The following NXPH2 variants were observed in gnomAD, a reference collection of about 807,000 sequenced individuals.
NXPH2 encodes the protein neurexophilin 2, also known as neurexophilin-2.
NXPH2 carries 5 observed loss-of-function variants against 19.8 expected under a neutral mutation model. The observed-to-expected ratio is 0.25, with a 90% confidence interval of 0.13 to 0.53. The LOEUF is 0.53. Among genes scored for constraint, NXPH2 ranks in the 20% least tolerant of loss-of-function variants. The pLI is 0.96. For synonymous variants in NXPH2, 154 were observed against 127.4 expected (o/e 1.21, Z -1.41); for missense variants, 289 against 322.8 (o/e 0.90, Z 0.80).
intron 1 of NXPH2, among the ~76,000 whole-genome samples, chr2:138,691,395 A>C (rs1463997069): frequency 2.6e-5 from 4 of 152,184 alleles, no homozygotes; most frequent in African/African-American, 9.7e-5. Context: ...TGACCACTAC[A>C]TCTTCTATCA....
rs1310501060 is a variant in NXPH2, at chr2:138,780,104, G to A, written c.51+87C>T. 3.0e-6 allele frequency: 4 copies of A among 1,350,192 alleles called. No individual in the cohort carries two copies. In the African/African-American group the frequency reaches 6.2e-5, roughly 21 times the overall value. 83.6% of individuals were successfully genotyped at this position (1,350,192 alleles called of 1,614,324 possible). On this transcript the variant is annotated intron_variant, in intron 1 of 1. Transcript: ENST00000272641. ...CAACCCCACTTCCCAAGCAGGCCCA[G>A]GCTGGGCTCCAAGTCAGCCGCCTGC... is the stretch of plus-strand genomic sequence containing the variant.
intron 1 of NXPH2, among the ~76,000 whole-genome samples, chr2:138,716,896 AT>A (rs561799244): frequency 8.5e-4 from 129 of 152,316 alleles, no homozygotes; most frequent in African/African-American, 2.9e-3. Context: ...ATTGGTTGGT[AT>A]TTACCAAAAT....
chr2:138,735,529 C>G (rs1241379203), intron 1 of NXPH2, among the ~76,000 whole-genome samples: 1 of 152,174 alleles, frequency 6.6e-6, no homozygotes, highest in African/African-American at 2.4e-5. Flanking sequence ...ATTCAATTAT[C>G]TCCCATTGGG....
intron 1 of NXPH2, among the ~76,000 whole-genome samples, chr2:138,724,736 T>C (rs1200790616): frequency 2.0e-5 from 3 of 152,232 alleles, no homozygotes; most frequent in African/African-American, 7.2e-5. Flanking sequence ...TGTGTGTGTT[T>C]TTTTGTCCAA....
At chr2:138,688,508 C>T (rs1483108555) in intron 1 of NXPH2, among the ~76,000 whole-genome samples, 1 of 152,090 alleles carries the variant, frequency 6.6e-6, no homozygotes, top group African/African-American at 2.4e-5. Context: ...AAGTCTTTAC[C>T]TAGCTCCCTG....
intron 1 of NXPH2, among the ~76,000 whole-genome samples, chr2:138,676,637 A>G (rs943569448): frequency 6.6e-6 from 1 of 152,166 alleles, no homozygotes; most frequent in African/African-American, 2.4e-5. Context: ...GTTTGGCTGT[A>G]AGGACTAAAA....
chr2:138,717,936 AAT>A (rs1681216909), intron 1 of NXPH2, among the ~76,000 whole-genome samples: 1 of 152,146 alleles, frequency 6.6e-6, no homozygotes, highest in African/African-American at 2.4e-5. Context: ...CAAACATTAT[AAT>A]AGAGTTGAAA....
chr2:138,690,476 G>C (rs1481428489), intron 1 of NXPH2, among the ~76,000 whole-genome samples: 2 of 151,510 alleles, frequency 1.3e-5, no homozygotes, highest in Non-Finnish European at 2.9e-5. Flanking sequence ...TCATTAAATG[G>C]TTAAGAAGGT....
At chr2:138,766,140 GCA>G (rs1288212445) in intron 1 of NXPH2, among the ~76,000 whole-genome samples, 1 of 152,170 alleles carries the variant, frequency 6.6e-6, no homozygotes, top group Non-Finnish European at 1.5e-5. Context: ...TGTGCACTGG[GCA>G]CAGTGCCTGA....
At chr2:138,739,806 GA>G (rs1401640662) in intron 1 of NXPH2, among the ~76,000 whole-genome samples, 1 of 151,950 alleles carries the variant, frequency 6.6e-6, no homozygotes, top group Non-Finnish European at 1.5e-5. Context: ...TTTATTTCAT[GA>G]AACAAAAAAT....
At chr2:138,731,289 A>C (rs1217555155) in intron 1 of NXPH2, among the ~76,000 whole-genome samples, 2 of 152,278 alleles carry the variant, frequency 1.3e-5, no homozygotes, top group East Asian at 1.9e-4. Context: ...TCTTGTTAGA[A>C]AAAAATCACT....
chr2:138,758,646 T>G (rs1361120838), intron 1 of NXPH2, among the ~76,000 whole-genome samples: 1 of 152,252 alleles, frequency 6.6e-6, no homozygotes, highest in Non-Finnish European at 1.5e-5. Flanking sequence ...TCAAGTTATA[T>G]GCTTGCATTT....
At chr2:138,732,015 G>T (rs928813174) in intron 1 of NXPH2, among the ~76,000 whole-genome samples, 1 of 152,210 alleles carries the variant, frequency 6.6e-6, no homozygotes, top group Non-Finnish European at 1.5e-5. Flanking sequence ...GTGGGCAGGT[G>T]TGTATGGATA....
At chr2:138,690,808 G>A (rs573861786) in intron 1 of NXPH2, among the ~76,000 whole-genome samples, 1 of 152,226 alleles carries the variant, frequency 6.6e-6, no homozygotes. Context: ...GTAGTGTCTA[G>A]AGGAGACCAA....
At chr2:138,709,514 A>G (rs1234722695) in intron 1 of NXPH2, among the ~76,000 whole-genome samples, 1 of 151,284 alleles carries the variant, frequency 6.6e-6, no homozygotes, top group Non-Finnish European at 1.5e-5. Flanking sequence ...GTTACAATCA[A>G]TCCTACATTG....
chr2:138,707,906 A>C (rs1489808406), intron 1 of NXPH2, among the ~76,000 whole-genome samples: 1 of 152,138 alleles, frequency 6.6e-6, no homozygotes, highest in Non-Finnish European at 1.5e-5. Context: ...TTAATAAGTA[A>C]GACTTGTGTC....
At chr2:138,717,817 A>G (rs1681215494) in intron 1 of NXPH2, among the ~76,000 whole-genome samples, 2 of 152,182 alleles carry the variant, frequency 1.3e-5, no homozygotes, top group East Asian at 3.9e-4. Context: ...AAAAATTCTA[A>G]ATATTATCCT....
rs555796013 is a variant in NXPH2 at position 138,743,592 on chromosome 2, G to C, written c.51+36599C>G. 4.6e-5 allele frequency among the ~76,000 whole-genome samples: 7 copies of C among 152,296 alleles called. No individual in the cohort carries two copies. The South Asian group carries it at 8.3e-4, about 18-fold the overall frequency. On this transcript the variant is annotated intron_variant, in intron 1 of 1. Coordinates refer to ENST00000272641, the MANE Select transcript of NXPH2 (RefSeq NM_007226.3). ...CTTTTTGGGAGACGAAATGTTGTAA[G>C]ACTAGATAGCAGTGATGATGACACA...
intron 1 of NXPH2, among the ~76,000 whole-genome samples, chr2:138,685,956 TC>T (rs2104972312): frequency 6.6e-6 from 1 of 152,330 alleles, no homozygotes; most frequent in South Asian, 2.1e-4. Context: ...TGCTACTTGA[TC>T]TTATTCATCG....
Sources: gnomAD v4.1 joint callset for allele counts (sites outside exome capture counted in the v4.1 genomes callset) on GRCh38, gnomAD v4.1.1 for gene constraint, MANE v1.5 for transcripts, NCBI Gene and HGNC (gene_info 2026-07-23, HGNC 2026-07-21) for gene names.